The following SNTB1 variants were observed in gnomAD, a reference collection of about 807,000 sequenced individuals.
The protein encoded by SNTB1 is syntrophin beta 1.
SNTB1 carries 36 observed loss-of-function variants against 48.9 expected under a neutral mutation model. The observed-to-expected ratio is 0.74, with a 90% CI of 0.56 to 0.97. The LOEUF (loss-of-function observed/expected upper bound fraction) is 0.97. SNTB1 is among the 50% of genes least tolerant of loss of function. The probability of loss-of-function intolerance (pLI) is 0.00; values close to 1 mark genes in which losing one functional copy is unlikely to be tolerated. For synonymous variants in SNTB1, 299 were observed against 294.6 expected, an observed-to-expected ratio of 1.01 and a Z score of -0.15; for missense variants, 786 against 703.4, an observed-to-expected ratio of 1.12 and a Z score of -1.33.
chr8:120,629,957 C>T (rs1816953586), intron 3 of SNTB1, among the ~76,000 whole-genome samples: 1 of 152,176 alleles, frequency 6.6e-6, no homozygotes, highest in South Asian at 2.1e-4. Context: ...AAGCAAAAGG[C>T]ATGAGACAAA....
chr8:120,684,017 T>A (rs1432852661), intron 2 of SNTB1, among the ~76,000 whole-genome samples: 2 of 152,210 alleles, frequency 1.3e-5, no homozygotes, highest in African/African-American at 4.8e-5. Context: ...GGGAAACTTA[T>A]AAACAACATA....
chr8:120,648,659 C>T (rs1817347536), intron 2 of SNTB1, among the ~76,000 whole-genome samples: 1 of 151,684 alleles, frequency 6.6e-6, no homozygotes. Context: ...AGTTGCTCTT[C>T]TCGAGGAGTA....
At chr8:120,743,334 G>A (rs1234977443) in intron 1 of SNTB1, among the ~76,000 whole-genome samples, 1 of 152,208 alleles carries the variant, frequency 6.6e-6, no homozygotes, top group Non-Finnish European at 1.5e-5. Flanking sequence ...GTAGCACAGA[G>A]GTAATTATAA....
intron 1 of SNTB1, among the ~76,000 whole-genome samples, chr8:120,800,603 G>T (rs138447982): frequency 6.6e-6 from 1 of 151,906 alleles, no homozygotes; most frequent in Admixed American, 6.6e-5. Flanking sequence ...GAGTAGCAGC[G>T]CTCCAGGAAA....
chr8:120,736,250 G>A (rs895722689), intron 1 of SNTB1, among the ~76,000 whole-genome samples: 1 of 152,040 alleles, frequency 6.6e-6, no homozygotes, highest in African/African-American at 2.4e-5. Flanking sequence ...GGGATTATGG[G>A]GATTACCATT....
chr8:120,662,634 G>T (rs34519544), intron 2 of SNTB1, among the ~76,000 whole-genome samples: 86,877 of 151,800 alleles, frequency 0.57, 25,237 homozygotes, highest in South Asian at 0.71. Context: ...TAGGTGGTCA[G>T]ATGTCTGCCT....
intron 3 of SNTB1, among the ~76,000 whole-genome samples, chr8:120,591,825 T>G (rs1816244197): frequency 6.6e-6 from 1 of 152,206 alleles, no homozygotes; most frequent in South Asian, 2.1e-4. Flanking sequence ...AAGAAGGTGA[T>G]TTCCTTGATA....
chr8:120,624,830 G>C (rs994737218), intron 3 of SNTB1, among the ~76,000 whole-genome samples: 3 of 152,172 alleles, frequency 2.0e-5, no homozygotes, highest in African/African-American at 7.2e-5. Flanking sequence ...ACAATGATAG[G>C]ACAGGCATAG....
intron 2 of SNTB1, among the ~76,000 whole-genome samples, chr8:120,650,276 C>A (rs1817391115): frequency 6.6e-6 from 1 of 152,100 alleles, no homozygotes; most frequent in African/African-American, 2.4e-5. Context: ...GAGTCAATGA[C>A]AATAGGAGAG....
chr8:120,563,141 G>T (rs1161354262), intron 4 of SNTB1, among the ~76,000 whole-genome samples: 3 of 151,860 alleles, frequency 2.0e-5, no homozygotes, highest in Non-Finnish European at 2.9e-5. Context: ...ACTGGGACTG[G>T]GTATGCAGAA....
At chr8:120,643,320 A>G (rs759451539) in intron 2 of SNTB1, among the ~76,000 whole-genome samples, 5 of 152,236 alleles carry the variant, frequency 3.3e-5, no homozygotes, top group Non-Finnish European at 7.3e-5. Context: ...GTTTTTGGTT[A>G]CATGGATAAG....
At chr8:120,641,951 A>G (rs751933553) in intron 2 of SNTB1, among the ~76,000 whole-genome samples, 22 of 151,982 alleles carry the variant, frequency 1.4e-4, no homozygotes, top group Non-Finnish European at 2.6e-4. Flanking sequence ...AAGTTGAAAT[A>G]CCAGGTCCCA....
rs182795313 is a variant in SNTB1 at position 120,567,957 on chromosome 8, A to G, written c.1136+7129T>C. Among the ~76,000 whole-genome samples, 13 of 152,348 alleles carry G rather than the reference A, an allele frequency of 8.5e-5. No homozygotes were observed. The East Asian group carries it at 2.3e-3, about 27-fold the overall frequency. ...GAAATATACAAAGACAAATAATACT[A>G]CTAGACAGATTACATACTTATGTGG... On this transcript the variant is annotated intron_variant, in intron 4 of 6. Coordinates refer to ENST00000517992, the MANE Select transcript of SNTB1 (RefSeq NM_021021.4).
intron 2 of SNTB1, among the ~76,000 whole-genome samples, chr8:120,633,616 A>C (rs1022514683): frequency 6.6e-6 from 1 of 152,114 alleles, no homozygotes; most frequent in Non-Finnish European, 1.5e-5. Context: ...AATAAAATAA[A>C]ATAAAATAAA....
At position 120,537,072 on chromosome 8, in the gene SNTB1, A is replaced by G. The variant is rs1422123628; in HGVS notation, c.*1805T>C. On this transcript the variant is annotated 3_prime_UTR_variant, in exon 7 of 7. Transcript: ENST00000517992. ...TCTATGGTATTCAAACTGGGACTTG[A>G]CTTTTCAGCATTTGAAAATAGAAAT... 6.6e-6 allele frequency: 1 copy of G among 151,918 alleles called. No individual in the cohort carries two copies. The highest frequency in any genetic ancestry group is 1.5e-5 in the Non-Finnish European group (1 of 67,980). The allele number at this position is 151,918 out of a possible 1,614,324, so 9.4% of individuals were successfully genotyped here.
chr8:120,627,555 CT>C (rs1472318615), intron 3 of SNTB1, among the ~76,000 whole-genome samples: 3 of 152,082 alleles, frequency 2.0e-5, no homozygotes, highest in Non-Finnish European at 4.4e-5. Context: ...AGAATGTCTT[CT>C]TGTTTTTCTT....
chr8:120,760,997 A>G (rs1819409738), intron 1 of SNTB1, among the ~76,000 whole-genome samples: 1 of 152,222 alleles, frequency 6.6e-6, no homozygotes, highest in African/African-American at 2.4e-5. Context: ...TATAAAGAAC[A>G]CACGCAAAAG....
At position 120,658,918 on chromosome 8, in the gene SNTB1, C is replaced by T. The variant is rs113666433; in HGVS notation, c.789-26267G>A. On this transcript the variant is annotated intron_variant, in intron 2 of 6. Coordinates refer to ENST00000517992, the MANE Select transcript of SNTB1 (RefSeq NM_021021.4). ...TTTTATCAAAATTGGAGTCAATCCT[C>T]TCAAATCTTGCTGCTGCTTTATCAA... Among the ~76,000 whole-genome samples the T allele has an allele frequency of 4.4e-3, 675 of 151,956 alleles. 5 individuals are homozygous for T. Among genetic ancestry groups the T allele is most frequent in the African/African-American group, 0.015 (637 of 41,480 alleles).
chr8:120,659,902 T>C (rs1817562751), intron 2 of SNTB1, among the ~76,000 whole-genome samples: 1 of 152,232 alleles, frequency 6.6e-6, no homozygotes, highest in African/African-American at 2.4e-5. Flanking sequence ...TATATCTCCA[T>C]CATAGCTCTT....
Sources: allele counts gnomAD v4.1 joint callset (sites outside exome capture counted in the v4.1 genomes callset), GRCh38; gene constraint gnomAD v4.1.1; transcripts MANE v1.5; gene names NCBI Gene and HGNC (gene_info 2026-07-23, HGNC 2026-07-21).